VPS13D: variants seen among roughly 807,000 people sequenced by gnomAD.
VPS13D encodes intermembrane lipid transfer protein VPS13D.
VPS13D carries 187 observed loss-of-function variants against 461.9 expected under a neutral mutation model. The observed-to-expected ratio is 0.40, with a 90% CI of 0.36 to 0.46. The LOEUF is 0.46. Among genes scored for constraint, VPS13D ranks in the 20% least tolerant of loss-of-function variants. The probability of loss-of-function intolerance (pLI) is 0.60; values close to 1 mark genes in which losing one functional copy is unlikely to be tolerated. For missense variants in VPS13D, 4,711 were observed against 5,364.9 expected, an observed-to-expected ratio of 0.88 and a Z score of 3.81; for synonymous variants, 1,951 against 1,986.3, an observed-to-expected ratio of 0.98 and a Z score of 0.47.
At chr1:12,354,827 A>C (rs1291823757) in intron 47 of VPS13D, among the ~76,000 whole-genome samples, 1 of 152,140 alleles carries the variant, frequency 6.6e-6, no homozygotes, top group Admixed American at 6.5e-5. Flanking sequence ...GCCCCATTTT[A>C]CTGGGGAAGA....
intron 65 of VPS13D, among the ~76,000 whole-genome samples, chr1:12,427,242 TTTATTA>T (rs55913483): frequency 0.011 from 1,426 of 128,758 alleles, 12 homozygotes; most frequent in African/African-American, 0.033. Context: ...TTGTCATTAT[TTTATTA>T]TTATTATTAT....
At chr1:12,483,713 G>T (rs113608659) in intron 67 of VPS13D, among the ~76,000 whole-genome samples, 1,758 of 152,236 alleles carry the variant, frequency 0.012, 39 homozygotes, top group African/African-American at 0.039. Context: ...TAAGAATGAG[G>T]CTTCAGCCAG....
At chr1:12,278,471 C>T (rs1641682441) in intron 19 of VPS13D, among the ~76,000 whole-genome samples, 1 of 152,146 alleles carries the variant, frequency 6.6e-6, no homozygotes, top group Non-Finnish European at 1.5e-5. Context: ...GACAGGGTTT[C>T]ACCATGTTGG....
At chr1:12,431,643 A>G (rs1290164705) in intron 65 of VPS13D, among the ~76,000 whole-genome samples, 1 of 151,454 alleles carries the variant, frequency 6.6e-6, no homozygotes, top group African/African-American at 2.4e-5. Context: ...ACTAAGTCAT[A>G]CTCGTCTTGG....
chr1:12,470,524 A>G (rs1645549126), intron 67 of VPS13D, among the ~76,000 whole-genome samples: 1 of 152,232 alleles, frequency 6.6e-6, no homozygotes, highest in Admixed American at 6.5e-5. Context: ...ACCTTGGGAT[A>G]TTCAGATCCA....
At chr1:12,338,597 T>C (rs773729319) in intron 40 of VPS13D, among the ~76,000 whole-genome samples, 7 of 152,170 alleles carry the variant, frequency 4.6e-5, no homozygotes, top group Non-Finnish European at 1.0e-4. Context: ...ATTTCTCATA[T>C]TGAAGAGCAA....
intron 65 of VPS13D, among the ~76,000 whole-genome samples, chr1:12,448,349 A>T (rs183795353): frequency 1.3e-5 from 2 of 152,312 alleles, no homozygotes; most frequent in East Asian, 3.9e-4. Flanking sequence ...CAAGCTATTT[A>T]TGCAAAAACC....
chr1:12,487,264 G>A (rs995082010), intron 67 of VPS13D, among the ~76,000 whole-genome samples: 3 of 152,080 alleles, frequency 2.0e-5, no homozygotes, highest in Admixed American at 2.0e-4. Context: ...CTGTTTGATA[G>A]TAGAAGGAGA....
At position 12,385,334 on chromosome 1, in the gene VPS13D, G is replaced by A; in HGVS notation, c.11445G>A (p.Leu3815=). 2 of 1,613,844 alleles carry A rather than the reference G, an allele frequency of 1.2e-6. No individual in the cohort carries two copies. The highest frequency in any genetic ancestry group is 2.2e-5 in the East Asian group (1 of 44,848). The change falls in exon 59 of 70, where the codon CTG becomes CTA. Residue 3815 remains leucine, a synonymous_variant. Coordinates refer to ENST00000620676, the MANE Select transcript of VPS13D (RefSeq NM_015378.4). ...VDELPVTEQE[L]QKLKNPDTEQ... ...AACTTCCTGTCACCGAACAAGAGCTGCAGAAATTAAAGAATCCAGATACAG... is the reference window on the plus strand; with the variant it reads ...AACTTCCTGTCACCGAACAAGAGCTACAGAAATTAAAGAATCCAGATACAG...
intron 57 of VPS13D, among the ~76,000 whole-genome samples, chr1:12,381,472 G>A (rs1570050591): frequency 6.6e-6 from 1 of 152,146 alleles, no homozygotes; most frequent in Non-Finnish European, 1.5e-5. Context: ...TCCTCCAAAG[G>A]CCTTGTTAAA....
chr1:12,318,392 A>G (rs1642945753), intron 31 of VPS13D, 55 bp downstream of exon 31: 1 of 1,563,028 alleles, frequency 6.4e-7, no homozygotes, highest in African/African-American at 1.4e-5. Flanking sequence ...TAGGCTCAAT[A>G]TCTGCCTTAC....
At chr1:12,356,328 C>T in intron 48 of VPS13D, 70 bp from the exon 49 acceptor site, 10 of 1,527,082 alleles carry the variant, frequency 6.5e-6, no homozygotes, top group Non-Finnish European at 8.0e-6. Context: ...TGGTTTTATT[C>T]ATTCACCATT....
chr1:12,349,490 C>G (rs1228966790), intron 46 of VPS13D, 116 bp downstream of exon 46: 3 of 1,043,016 alleles, frequency 2.9e-6, no homozygotes, highest in Non-Finnish European at 4.1e-6. Flanking sequence ...TATTTAAACT[C>G]TAAAGTTCTT....
intron 63 of VPS13D, 33 bp downstream of exon 63, chr1:12,404,006 G>T (rs1430242941): frequency 1.9e-6 from 3 of 1,560,650 alleles, no homozygotes; most frequent in Non-Finnish European, 2.6e-6. Context: ...TTTTTTAGAT[G>T]ATTTTTCCTT....
intron 2 of VPS13D, among the ~76,000 whole-genome samples, chr1:12,238,165 A>AG (rs933107409): frequency 6.6e-6 from 1 of 151,280 alleles, no homozygotes; most frequent in African/African-American, 2.4e-5. Context: ...AAAAAAAAAA[A>AG]GAAATATATG....
At chr1:12,327,486 C>T (rs1486419367) in intron 35 of VPS13D, among the ~76,000 whole-genome samples, 162 bp from the exon 36 acceptor site, 3 of 145,888 alleles carry the variant, frequency 2.1e-5, no homozygotes, top group Non-Finnish European at 4.5e-5. Flanking sequence ...CCCCCACCAC[C>T]CCCACCCTCC....
intron 65 of VPS13D, among the ~76,000 whole-genome samples, chr1:12,445,987 T>A (rs562227363): frequency 6.6e-6 from 1 of 152,200 alleles, no homozygotes; most frequent in Non-Finnish European, 1.5e-5. Flanking sequence ...CAGCTTTGCA[T>A]GTGTAGCTTT....
At chr1:12,371,944 C>T (rs972187439) in intron 54 of VPS13D, among the ~76,000 whole-genome samples, 6 of 152,144 alleles carry the variant, frequency 3.9e-5, no homozygotes, top group African/African-American at 1.2e-4. Context: ...TTTGAGGAAC[C>T]GCCATACTGT....
At chr1:12,496,752 ACAT>A (rs1645963263) in intron 67 of VPS13D, among the ~76,000 whole-genome samples, 1 of 152,204 alleles carries the variant, frequency 6.6e-6, no homozygotes, top group Non-Finnish European at 1.5e-5. Context: ...GAAAAAGACA[ACAT>A]CAGCCTACCC....
Sources: gnomAD v4.1 joint callset for allele counts (sites outside exome capture counted in the v4.1 genomes callset) on GRCh38, gnomAD v4.1.1 for gene constraint, MANE v1.5 for transcripts, NCBI Gene and HGNC (gene_info 2026-07-23, HGNC 2026-07-21) for gene names.